CIRSR: variants seen among roughly 807,000 people sequenced by gnomAD.
CIRSR encodes corepressor of RBPJ and splicing regulator, also known as CBF1 (RBPJ) interacting corepressor 1.
the CIRSR span, chr2:174,380,393 A>G: frequency 1.5e-6 from 1 of 664,058 alleles, no homozygotes; most frequent in Non-Finnish European, 2.5e-6. Flanking sequence ...TATAAAATCT[A>G]TCTAGTATTT....
chr2:174,374,390 T>C, the CIRSR span, among the ~76,000 whole-genome samples: 1 of 152,230 alleles, frequency 6.6e-6, no homozygotes, highest in African/African-American at 2.4e-5. Flanking sequence ...TAAACTGGGA[T>C]TACTCTATGT....
At chr2:174,352,037 T>TA in the CIRSR span, 499 of 192,228 alleles carry the variant, frequency 2.6e-3, 4 homozygotes, top group African/African-American at 0.011. Flanking sequence ...AATATTATAA[T>TA]AAAAAACTAC....
At chr2:174,386,159 A>C in the CIRSR span, among the ~76,000 whole-genome samples, 3 of 152,134 alleles carry the variant, frequency 2.0e-5, no homozygotes, top group African/African-American at 7.2e-5. Context: ...TTTTACTATT[A>C]ATAATATAAA....
the CIRSR span, among the ~76,000 whole-genome samples, chr2:174,377,824 C>CAAAAAAAAAAAAAA: frequency 1.7e-5 from 1 of 60,074 alleles, no homozygotes; most frequent in Non-Finnish European, 2.9e-5. Context: ...GACGCCATCT[C>CAAAAAAAAAAAAAA]AAAAAAAAAA....
chr2:174,381,895 C>A, the CIRSR span: 2 of 693,848 alleles, frequency 2.9e-6, no homozygotes, highest in Non-Finnish European at 2.4e-6. Context: ...TTGTTAGAAA[C>A]AGAGTTCTAA....
At chr2:174,349,211 AAC>A in the CIRSR span, 10 of 1,046,328 alleles carry the variant, frequency 9.6e-6, no homozygotes, top group Admixed American at 9.9e-5. Flanking sequence ...CTGTGTGAAA[AAC>A]AGTTATTTCA....
the CIRSR span, chr2:174,351,498 T>C: frequency 6.2e-4 from 417 of 678,040 alleles, 2 homozygotes; most frequent in African/African-American, 6.8e-3. Flanking sequence ...TTGGGCATTT[T>C]CTTTGCTCTA....
the CIRSR span, among the ~76,000 whole-genome samples, chr2:174,388,191 T>C: frequency 1.3e-5 from 2 of 152,142 alleles, no homozygotes; most frequent in Non-Finnish European, 2.9e-5. Context: ...AAATCTGAAG[T>C]GTCTTGATAC....
chr2:174,351,625 T>G, the CIRSR span: 1 of 1,612,552 alleles, frequency 6.2e-7, no homozygotes, highest in Non-Finnish European at 8.5e-7. Flanking sequence ...TTACCTGTGA[T>G]GGATCATTTG....
At chr2:174,350,145 G>A in the CIRSR span, among the ~76,000 whole-genome samples, 1 of 148,178 alleles carries the variant, frequency 6.7e-6, no homozygotes, top group Admixed American at 7.1e-5. Context: ...TAAGTCTCTA[G>A]GTTCTGTCTA....
chr2:174,360,060 T>C, the CIRSR span, among the ~76,000 whole-genome samples: 1 of 151,870 alleles, frequency 6.6e-6, no homozygotes, highest in Admixed American at 6.6e-5. Flanking sequence ...GGGCCTGTTG[T>C]GAGGTGGGGG....
the CIRSR span, among the ~76,000 whole-genome samples, chr2:174,368,928 T>C: frequency 7.2e-5 from 11 of 152,260 alleles, no homozygotes; most frequent in East Asian, 1.5e-3. Flanking sequence ...TTAGCATAAT[T>C]CTTAAGGGCC....
the CIRSR span, among the ~76,000 whole-genome samples, chr2:174,376,138 G>C: frequency 1.3e-5 from 2 of 152,308 alleles, no homozygotes; most frequent in African/African-American, 4.8e-5. Flanking sequence ...TGGGATTACA[G>C]GCAAGAGCCA....
the CIRSR span, chr2:174,380,569 T>C: frequency 1.5e-6 from 2 of 1,315,684 alleles, no homozygotes; most frequent in Admixed American, 4.0e-5. Flanking sequence ...CTCTAATGAT[T>C]GAAAAAGCAA....
At chr2:174,353,454 T>G in the CIRSR span, among the ~76,000 whole-genome samples, 1 of 152,200 alleles carries the variant, frequency 6.6e-6, no homozygotes, top group African/African-American at 2.4e-5. Flanking sequence ...GAGGTGCTCA[T>G]ACAATTAAGA....
the CIRSR span, chr2:174,379,026 C>T: frequency 1.2e-6 from 2 of 1,612,338 alleles, no homozygotes; most frequent in Non-Finnish European, 1.7e-6. Context: ...ATTTAATGCA[C>T]CTCACATTTC....
chr2:174,383,849 C>CAAA, the CIRSR span, among the ~76,000 whole-genome samples: 369 of 121,420 alleles, frequency 3.0e-3, 3 homozygotes, highest in Non-Finnish European at 5.2e-3. Flanking sequence ...AGCTATCTTC[C>CAAA]AAAAAAAAAA....
At chr2:174,357,163 C>T in the CIRSR span, among the ~76,000 whole-genome samples, 1 of 152,080 alleles carries the variant, frequency 6.6e-6, no homozygotes, top group Admixed American at 6.5e-5. Flanking sequence ...TATTGTTATT[C>T]ATTTGTTAAA....
At chr2:174,386,442 A>G in the CIRSR span, among the ~76,000 whole-genome samples, 1 of 151,854 alleles carries the variant, frequency 6.6e-6, no homozygotes, top group African/African-American at 2.4e-5. Context: ...TTGGCCTCCC[A>G]AAGTGCTGGG....
Sources: allele counts gnomAD v4.1 joint callset (sites outside exome capture counted in the v4.1 genomes callset), GRCh38; gene constraint gnomAD v4.1.1; transcripts MANE v1.5; gene names NCBI Gene and HGNC (gene_info 2026-07-23, HGNC 2026-07-21).